The following DLG2 variants were observed in gnomAD, a reference collection of about 807,000 sequenced individuals.
DLG2 encodes the protein disks large homolog 2.
DLG2 carries 45 observed loss-of-function variants against 132.5 expected under a neutral mutation model. The ratio of observed to expected loss-of-function variants is 0.34; its 90% confidence interval spans 0.27 to 0.44. DLG2 has a LOEUF of 0.44. Ranked by LOEUF, DLG2 falls within the 20% of genes least tolerant of loss-of-function variation. The probability of loss-of-function intolerance (pLI) is 1.00; values close to 1 mark genes in which losing one functional copy is unlikely to be tolerated. For synonymous variants in DLG2, 424 were observed against 419.6 expected, an observed-to-expected ratio of 1.01 and a Z score of -0.13; for missense variants, 1,045 against 1,196.9, an observed-to-expected ratio of 0.87 and a Z score of 1.87.
chr11:85,070,070 G>A (rs1224788466), intron 6 of DLG2, among the ~76,000 whole-genome samples: 3 of 151,660 alleles, frequency 2.0e-5, no homozygotes, highest in Admixed American at 2.0e-4. Flanking sequence ...ACCAAACACC[G>A]CATGTTCTCA....
chr11:83,630,320 GGAGCATGCTTGT>G (rs59579189), intron 19 of DLG2, among the ~76,000 whole-genome samples: 7,561 of 152,134 alleles, frequency 0.05, 661 homozygotes, highest in African/African-American at 0.17. Context: ...GCTAGAGTTG[GGAGCATGCTTGT>G]GAGCATGCGT....
intron 3 of DLG2, among the ~76,000 whole-genome samples, chr11:85,597,657 A>G (rs1049322098): frequency 2.6e-5 from 4 of 151,756 alleles, no homozygotes; most frequent in African/African-American, 9.7e-5. Context: ...TTCAAACTAT[A>G]AAGTTGGAGT....
intron 7 of DLG2, among the ~76,000 whole-genome samples, chr11:84,270,271 C>G (rs1320153508): frequency 1.3e-5 from 2 of 152,176 alleles, no homozygotes; most frequent in African/African-American, 4.8e-5. Flanking sequence ...TCGCCAGACA[C>G]TTAGGCTAAA....
chr11:83,707,824 A>C (rs138553310), intron 18 of DLG2, among the ~76,000 whole-genome samples: 1 of 152,260 alleles, frequency 6.6e-6, no homozygotes, highest in Non-Finnish European at 1.5e-5. Context: ...AGCACCCAGC[A>C]CACATAGTTC....
chr11:85,150,924 C>T (rs2077207719), intron 5 of DLG2, among the ~76,000 whole-genome samples: 1 of 152,084 alleles, frequency 6.6e-6, no homozygotes, highest in Non-Finnish European at 1.5e-5. Context: ...TACGGTATTT[C>T]TATTTTTAAA....
intron 22 of DLG2, among the ~76,000 whole-genome samples, chr11:83,476,172 G>A (rs1340230978): frequency 6.6e-6 from 1 of 152,116 alleles, no homozygotes; most frequent in Non-Finnish European, 1.5e-5. Context: ...GCCTGCATAT[G>A]ATGATTTTTA....
chr11:84,865,692 AG>A (rs775726337), intron 6 of DLG2, among the ~76,000 whole-genome samples: 15 of 152,222 alleles, frequency 9.9e-5, no homozygotes, highest in Non-Finnish European at 1.6e-4. Flanking sequence ...TAGCATAGAC[AG>A]GCTGCATAGA....
chr11:84,358,082 G>A (rs955915308), intron 7 of DLG2, among the ~76,000 whole-genome samples: 4 of 151,892 alleles, frequency 2.6e-5, no homozygotes, highest in East Asian at 1.9e-4. Flanking sequence ...AATCTGCTCC[G>A]TATAGTATCT....
chr11:83,833,328 C>T (rs2055117492), intron 17 of DLG2, among the ~76,000 whole-genome samples: 1 of 152,100 alleles, frequency 6.6e-6, no homozygotes. Context: ...ATCTCAGCTA[C>T]TCAGGAGGCT....
intron 4 of DLG2, among the ~76,000 whole-genome samples, chr11:85,257,662 G>C (rs537764112): frequency 3.4e-4 from 51 of 152,234 alleles, no homozygotes; most frequent in Non-Finnish European, 2.6e-4. Flanking sequence ...AAATATGTAG[G>C]CAATATTCAC....
chr11:85,464,377 G>C (rs1198467583), intron 3 of DLG2, among the ~76,000 whole-genome samples: 2 of 152,034 alleles, frequency 1.3e-5, no homozygotes, highest in Non-Finnish European at 2.9e-5. Flanking sequence ...GGAGGTTATG[G>C]TTTTTACGGA....
intron 7 of DLG2, among the ~76,000 whole-genome samples, chr11:84,344,926 T>C (rs1466367223): frequency 6.6e-6 from 1 of 152,130 alleles, no homozygotes; most frequent in Non-Finnish European, 1.5e-5. Context: ...AAACACATGA[T>C]ATTTCTTTTG....
At chr11:85,586,060 T>C (rs1477133995) in intron 3 of DLG2, among the ~76,000 whole-genome samples, 1 of 152,190 alleles carries the variant, frequency 6.6e-6, no homozygotes, top group African/African-American at 2.4e-5. Context: ...CATCCCTGCA[T>C]CCTGGTATGA....
At chr11:85,060,997 G>C (rs1342841566) in intron 6 of DLG2, among the ~76,000 whole-genome samples, 1 of 151,548 alleles carries the variant, frequency 6.6e-6, no homozygotes, top group East Asian at 1.9e-4. Flanking sequence ...TAGTGATGTT[G>C]AGCATCTTTT....
At chr11:83,483,897 G>A (rs1448972766) in intron 22 of DLG2, among the ~76,000 whole-genome samples, 1 of 152,138 alleles carries the variant, frequency 6.6e-6, no homozygotes, top group Non-Finnish European at 1.5e-5. Context: ...TTGGTTGGGT[G>A]CAAGTCCCAG....
At chr11:84,524,720 T>A (rs963068774) in intron 7 of DLG2, among the ~76,000 whole-genome samples, 1 of 152,112 alleles carries the variant, frequency 6.6e-6, no homozygotes, top group African/African-American at 2.4e-5. Flanking sequence ...ATATCAAGAA[T>A]CAGAATAGTT....
chr11:83,924,613 C>T (rs1167021699), intron 15 of DLG2, among the ~76,000 whole-genome samples: 1 of 152,136 alleles, frequency 6.6e-6, no homozygotes, highest in African/African-American at 2.4e-5. Flanking sequence ...TCACTGGACT[C>T]GCTATTAAGC....
chr11:85,078,311 C>G (rs1265427188), intron 6 of DLG2, among the ~76,000 whole-genome samples: 1 of 151,004 alleles, frequency 6.6e-6, no homozygotes, highest in African/African-American at 2.4e-5. Flanking sequence ...GAGGAAGGCT[C>G]TACTAACAAT....
At chr11:83,869,472 C>T (rs2063021974) in intron 16 of DLG2, among the ~76,000 whole-genome samples, 1 of 152,020 alleles carries the variant, frequency 6.6e-6, no homozygotes, top group Admixed American at 6.6e-5. Context: ...TTTCATGAGC[C>T]TAGGTGGCCT....
Sources: allele counts gnomAD v4.1 joint callset (sites outside exome capture counted in the v4.1 genomes callset), GRCh38; gene constraint gnomAD v4.1.1; transcripts MANE v1.5; gene names NCBI Gene and HGNC (gene_info 2026-07-23, HGNC 2026-07-21).